ST7: variants seen among roughly 807,000 people sequenced by gnomAD.
ST7 encodes the protein suppressor of tumorigenicity 7 protein.
Under a neutral mutation model 78.7 loss-of-function variants are expected in ST7, and 28 were observed. The ratio of observed to expected loss-of-function variants is 0.36; its 90% confidence interval spans 0.26 to 0.49. The LOEUF is 0.49. Ranked by LOEUF, ST7 falls within the 20% of genes least tolerant of loss-of-function variation. The pLI, the probability that ST7 is intolerant of heterozygous loss-of-function variation, is 0.99. For synonymous variants in ST7, 247 were observed against 249.6 expected (o/e 0.99, Z 0.10); for missense variants, 418 against 696.0 (o/e 0.60, Z 4.49).
At chr7:117,074,255 G>A (rs959122801) in intron 1 of ST7, among the ~76,000 whole-genome samples, 5 of 152,094 alleles carry the variant, frequency 3.3e-5, no homozygotes, top group Admixed American at 2.0e-4. Flanking sequence ...GCCAGGTGTG[G>A]TGGCGCACAC....
intron 1 of ST7, among the ~76,000 whole-genome samples, chr7:116,973,224 C>G (rs948894109): frequency 1.3e-5 from 2 of 151,826 alleles, no homozygotes; most frequent in African/African-American, 4.8e-5. Context: ...CTAGGCTCAT[C>G]TTGTGTATTT....
At chr7:117,173,660 C>G (rs998869022) in intron 10 of ST7, 3 of 152,240 alleles carry the variant, frequency 2.0e-5, no homozygotes, top group African/African-American at 7.2e-5. Context: ...ATGCTGGAGA[C>G]AGCACTTAGA....
intron 15 of ST7, among the ~76,000 whole-genome samples, chr7:117,226,445 A>G (rs919928278): frequency 3.9e-5 from 6 of 152,102 alleles, no homozygotes; most frequent in African/African-American, 1.2e-4. Context: ...GCTCATTCAG[A>G]CTTAACTTTT....
intron 9 of ST7, among the ~76,000 whole-genome samples, chr7:117,139,324 C>A (rs543341869): frequency 5.9e-4 from 89 of 152,122 alleles, no homozygotes; most frequent in Non-Finnish European, 8.7e-4. Flanking sequence ...ACATTTCATT[C>A]TTTTGCTGAA....
chr7:117,139,433 C>T (rs1805081006), intron 9 of ST7, among the ~76,000 whole-genome samples: 1 of 152,160 alleles, frequency 6.6e-6, no homozygotes, highest in Admixed American at 6.6e-5. Flanking sequence ...GATTTGAGCA[C>T]ACTAGGACTG....
intron 2 of ST7, chr7:117,112,401 G>A (rs907937556): frequency 2.6e-5 from 4 of 152,110 alleles, no homozygotes; most frequent in African/African-American, 7.2e-5. Context: ...TGAGTGGTGG[G>A]TATGACCAGT....
intron 1 of ST7, among the ~76,000 whole-genome samples, chr7:116,990,712 C>A (rs774018817): frequency 6.6e-6 from 1 of 152,064 alleles, no homozygotes; most frequent in Non-Finnish European, 1.5e-5. Context: ...TTGTAAATCC[C>A]CTTCCATACC....
chr7:117,051,410 G>C (rs1417739837), intron 1 of ST7, among the ~76,000 whole-genome samples: 4 of 152,318 alleles, frequency 2.6e-5, no homozygotes, highest in African/African-American at 9.6e-5. Context: ...ATTACAGAGA[G>C]GGGCTCAGCA....
At chr7:116,998,025 A>G (rs1794746309) in intron 1 of ST7, among the ~76,000 whole-genome samples, 1 of 152,130 alleles carries the variant, frequency 6.6e-6, no homozygotes, top group Admixed American at 6.5e-5. Context: ...GGTCGATGGG[A>G]CCAGGTGCCG....
At chr7:116,980,133 A>G (rs536289378) in intron 1 of ST7, among the ~76,000 whole-genome samples, 64 of 151,606 alleles carry the variant, frequency 4.2e-4, no homozygotes, top group African/African-American at 1.4e-3. Context: ...GAATTTTTGC[A>G]TTTTTAGTAG....
intron 1 of ST7, among the ~76,000 whole-genome samples, chr7:117,014,119 G>A (rs560417442): frequency 1.3e-5 from 2 of 152,312 alleles, no homozygotes; most frequent in South Asian, 4.1e-4. Flanking sequence ...TTTGGTAGTG[G>A]TGGAGGGTGG....
chr7:117,189,270 CT>C, intron 10 of ST7, 50 bp from the exon 11 acceptor site: 1 of 1,362,812 alleles, frequency 7.3e-7, no homozygotes, highest in Non-Finnish European at 1.0e-6. Flanking sequence ...AAAATGATTG[CT>C]CTTTGTTACC....
At chr7:117,223,988 T>C (rs1468427704) in intron 15 of ST7, 11 of 962,666 alleles carry the variant, frequency 1.1e-5, no homozygotes, top group Non-Finnish European at 1.4e-5. Context: ...TCTTGTATAC[T>C]TATAATCATA....
In ST7 at chr7:117,190,754, G is replaced by A. The variant is rs750143195; in HGVS notation, c.1152-80G>A. 5 of 1,133,582 alleles carry A rather than the reference G, an allele frequency of 4.4e-6. No individual in the cohort carries two copies. Among genetic ancestry groups the A allele is most frequent in the Non-Finnish European group, 6.6e-6 (5 of 755,882 alleles). 70.2% of individuals were successfully genotyped at this position (1,133,582 alleles called of 1,614,324 possible). ...CTATTGGCTCACTGTGGTTTTATGG[G>A]CCCTAGATGTGTAGATGCTTCCGGG... On this transcript the variant is annotated intron_variant, in intron 11 of 15. Coordinates refer to ENST00000323984, the MANE Select transcript of ST7 (RefSeq NM_001369598.1). This position sits in a 1 kb window ranked among gnomAD's most constrained non-coding sequence, Gnocchi z 5.2.
chr7:117,193,150 TACACACAC>T (rs137866535), intron 12 of ST7, among the ~76,000 whole-genome samples: 6 of 144,840 alleles, frequency 4.1e-5, no homozygotes, highest in African/African-American at 1.5e-4. Flanking sequence ...CTTTAGCAGA[TACACACAC>T]ACACACACAC....
chr7:116,953,789 ACGCGCCGGGGCCCG>A, intron 1 of ST7, 98 bp downstream of exon 1: 1 of 867,722 alleles, frequency 1.2e-6, no homozygotes, highest in Non-Finnish European at 1.4e-6. Context: ...GCGCTCGGGG[ACGCGCCGGGGCCCG>A]CGCACCGGAG....
chr7:117,012,588 T>C (rs1795432895), intron 1 of ST7, among the ~76,000 whole-genome samples: 1 of 152,166 alleles, frequency 6.6e-6, no homozygotes, highest in Admixed American at 6.5e-5. Flanking sequence ...CTTTTGTCAA[T>C]TTATAAGTAA....
intron 1 of ST7, among the ~76,000 whole-genome samples, chr7:117,002,487 T>G (rs975027821): frequency 1.3e-5 from 2 of 152,098 alleles, no homozygotes; most frequent in Non-Finnish European, 2.9e-5. Context: ...AAGGTTCTAA[T>G]ACAATATTAT....
At position 116,996,082 on chromosome 7, in the gene ST7, G is replaced by GTT. The variant is rs71148355; in HGVS notation, c.151+42407_151+42408dup. Among the ~76,000 whole-genome samples, 683 of 130,280 alleles carry GTT rather than the reference G, an allele frequency of 5.2e-3. 17 individuals carry two copies. Among genetic ancestry groups the GTT allele is most frequent in the Middle Eastern group, 0.016 (4 of 244 alleles). The allele number at this position is 130,280 out of a possible 152,430, so 85.5% of individuals were successfully genotyped here. A position where few individuals can be genotyped will look rare whatever the true frequency, so the allele number is the denominator to read the frequency against. On this transcript the variant is annotated intron_variant, in intron 1 of 15. Transcript: ENST00000323984. ...TGGTGTTAACTCTTGCAGATTCCCC[G>GTT]TTTTTTTTTTTTTTTTTGAGACGGA...
Sources: allele counts gnomAD v4.1 joint callset (sites outside exome capture counted in the v4.1 genomes callset), GRCh38; gene constraint gnomAD v4.1.1; non-coding constraint Gnocchi (gnomAD v3.1); transcripts MANE v1.5; gene names NCBI Gene and HGNC (gene_info 2026-07-23, HGNC 2026-07-21).